The following DDO variants were observed in gnomAD, a reference collection of about 807,000 sequenced individuals.
The protein encoded by DDO is D-aspartate oxidase, DDO.
In DDO, 16 loss-of-function variants were observed where a neutral mutation model predicts 16.8. The ratio of observed to expected loss-of-function variants is 0.95; its 90% CI spans 0.65 to 1.45. The LOEUF (loss-of-function observed/expected upper bound fraction) is 1.45. Ranked by LOEUF, DDO falls within the 40% of genes most tolerant of loss-of-function variation. The pLI is 0.00. For synonymous variants in DDO, 180 were observed against 167.2 expected, an observed-to-expected ratio of 1.08 and a Z score of -0.59; for missense variants, 429 against 420.3, an observed-to-expected ratio of 1.02 and a Z score of -0.18.
At chr6:110,394,973 G>T (rs1467211846) in intron 4 of DDO, among the ~76,000 whole-genome samples, 2 of 152,176 alleles carry the variant, frequency 1.3e-5, no homozygotes, top group Non-Finnish European at 2.9e-5. Context: ...ACCTAGCTAA[G>T]TGCCCCACAC....
downstream of DDO, among the ~76,000 whole-genome samples, chr6:110,389,683 A>AT (rs139804792): frequency 0.054 from 8,158 of 152,098 alleles, 669 homozygotes; most frequent in African/African-American, 0.18. Flanking sequence ...GGGCAAGCAT[A>AT]TTTTTTTTCT....
chr6:110,408,414 C>T lies in DDO; in HGVS notation c.201G>A (p.Trp67Ter). The T allele has an allele frequency of 1.2e-6, 2 of 1,614,124 alleles. No homozygotes were observed. Among genetic ancestry groups the T allele is most frequent in the Non-Finnish European group, 1.7e-6 (2 of 1,180,024 alleles). The stretch of plus-strand genomic sequence containing the variant: ...AGAGGTGATTAAAGGTTTCTCTGAA[C>T]CACTGCTTCTGCGTGTGAATGGGTG... ...PDTPIHTQKQ[W>*]FRETFNHLFA... The change falls in exon 3 of 5, where the codon TGG becomes TGA. Residue 67 changes from tryptophan (W) to a stop codon, truncating the protein, a stop_gained. Transcript: ENST00000368924. LOFTEE classifies it high-confidence loss of function.
chr6:110,402,734 G>A (rs1376280277), intron 4 of DDO, among the ~76,000 whole-genome samples: 1 of 152,104 alleles, frequency 6.6e-6, no homozygotes, highest in Non-Finnish European at 1.5e-5. Flanking sequence ...AAAATGTTAG[G>A]AATCTGTATG....
chr6:110,394,896 C>T (rs1435463911), intron 4 of DDO, among the ~76,000 whole-genome samples: 1 of 152,114 alleles, frequency 6.6e-6, no homozygotes, highest in African/African-American at 2.4e-5. Context: ...CTTAGAGGAC[C>T]GATATCAATA....
chr6:110,399,846 C>T (rs1773416956), intron 4 of DDO, among the ~76,000 whole-genome samples: 1 of 152,220 alleles, frequency 6.6e-6, no homozygotes, highest in Admixed American at 6.5e-5. Flanking sequence ...CTGAGGCACT[C>T]ACATCTCAGC....
In DDO at chr6:110,403,101, T is replaced by C. The variant is rs1001117921; in HGVS notation, c.458+1673A>G. On this transcript the variant is annotated intron_variant, in intron 4 of 4. Transcript: ENST00000368924. ...ACCTTTTATCACAATATTTTGTACA[T>C]GTTCTTCCATTTTGAGCTCTTTTTG... Among the ~76,000 whole-genome samples the C allele has an allele frequency of 5.9e-5, 9 of 152,212 alleles. No individual in the cohort carries two copies. In the East Asian group the frequency reaches 1.7e-3, roughly 29 times the overall value.
At chr6:110,401,889 T>G (rs764653202) in intron 4 of DDO, among the ~76,000 whole-genome samples, 10 of 152,228 alleles carry the variant, frequency 6.6e-5, no homozygotes, top group Admixed American at 1.3e-4. Context: ...ACAGTAGAGA[T>G]AACTGGCATT....
intron 3 of DDO, 105 bp from the exon 4 acceptor site, chr6:110,405,055 GAGACAGAGTCTCACTCC>G: frequency 8.5e-7 from 1 of 1,171,116 alleles, no homozygotes. Flanking sequence ...TTTTATTTTT[GAGACAGAGTCTCACTCC>G]ATCACCCAGG....
In DDO at chr6:110,415,558, CAGAG is replaced by C. The variant is rs1385650515; in HGVS notation, c.-100_-97del. On this transcript the variant is annotated 5_prime_UTR_variant, in exon 1 of 5. Coordinates refer to ENST00000368924, the MANE Select transcript of DDO (RefSeq NM_001372108.2). ...CTGGCTGGTCTCATGCCCTGAGAGACAGAGAGAAAGCGAAACTGATTCCCATTGG... is the reference window on the plus strand; with the variant it reads ...CTGGCTGGTCTCATGCCCTGAGAGACAGAAAGCGAAACTGATTCCCATTGG... 1 of 1,613,610 alleles carries C rather than the reference CAGAG, an allele frequency of 6.2e-7. No individual in the cohort carries two copies. The highest frequency in any genetic ancestry group is 1.3e-5 in the African/African-American group (1 of 74,916).
At chr6:110,389,137 TGAATA>T (rs1413932333), downstream of DDO, among the ~76,000 whole-genome samples, 1 of 152,204 alleles carries the variant, frequency 6.6e-6, no homozygotes, top group Admixed American at 6.5e-5. Context: ...GTTGAAGGCC[TGAATA>T]GAAGAAAAAG....
intron 2 of DDO, among the ~76,000 whole-genome samples, chr6:110,409,380 A>G (rs754547351): frequency 1.4e-4 from 22 of 152,254 alleles, no homozygotes; most frequent in Non-Finnish European, 2.9e-4. Context: ...AGGGAACAAT[A>G]AGCCTCAGGG....
chr6:110,403,326 C>T (rs1047268504), intron 4 of DDO, among the ~76,000 whole-genome samples: 2 of 152,086 alleles, frequency 1.3e-5, no homozygotes, highest in African/African-American at 4.8e-5. Context: ...TTCCTTATCA[C>T]TAGCATCAAT....
intron 4 of DDO, among the ~76,000 whole-genome samples, chr6:110,395,370 C>T (rs1773256661): frequency 6.6e-6 from 1 of 152,004 alleles, no homozygotes; most frequent in African/African-American, 2.4e-5. Context: ...AGCCTGCTGG[C>T]CTTTGGACTA....
At chr6:110,415,440 C>G in intron 1 of DDO, 27 bp downstream of exon 1, 2 of 1,613,566 alleles carry the variant, frequency 1.2e-6, no homozygotes, top group Non-Finnish European at 1.7e-6. Context: ...GGAACGACCC[C>G]TCAGCTGAAA....
chr6:110,402,384 G>T (rs893979028), intron 4 of DDO, among the ~76,000 whole-genome samples: 1 of 152,170 alleles, frequency 6.6e-6, no homozygotes, highest in Non-Finnish European at 1.5e-5. Context: ...TAAACATGGG[G>T]CCAGGCACGG....
At chr6:110,407,911 A>G (rs1359409445) in intron 3 of DDO, among the ~76,000 whole-genome samples, 2 of 152,184 alleles carry the variant, frequency 1.3e-5, no homozygotes, top group Non-Finnish European at 2.9e-5. Context: ...GGAATATCTC[A>G]TTCTCCAAGG....
At chr6:110,415,413 A>C in intron 1 of DDO, 54 bp downstream of exon 1, 1 of 1,607,326 alleles carries the variant, frequency 6.2e-7, no homozygotes, top group East Asian at 2.2e-5. Flanking sequence ...ACACTCCCAA[A>C]CTCCCAGAGC....
intron 4 of DDO, among the ~76,000 whole-genome samples, chr6:110,398,180 C>A (rs1367074778): frequency 6.6e-6 from 1 of 152,110 alleles, no homozygotes; most frequent in African/African-American, 2.4e-5. Flanking sequence ...ATCCTCTGGT[C>A]ATCACCCTAA....
chr6:110,406,168 G>T (rs1176546591), intron 3 of DDO, among the ~76,000 whole-genome samples: 1 of 152,114 alleles, frequency 6.6e-6, no homozygotes, highest in Admixed American at 6.5e-5. Flanking sequence ...TGAGCACTTA[G>T]AAGGTTATAT....
Sources: gnomAD v4.1 joint callset for allele counts (sites outside exome capture counted in the v4.1 genomes callset) on GRCh38, gnomAD v4.1.1 for gene constraint, MANE v1.5 for transcripts, NCBI Gene and HGNC (gene_info 2026-07-23, HGNC 2026-07-21) for gene names.